Variants in BCAR3 observed in about 807,000 individuals in gnomAD.
BCAR3 encodes the protein breast cancer anti-estrogen resistance protein 3.
BCAR3 carries 37 observed loss-of-function variants against 80.1 expected under a neutral mutation model. The observed-to-expected ratio is 0.46, with a 90% CI of 0.36 to 0.61. The LOEUF is 0.61. Ranked by LOEUF, BCAR3 falls within the 20% of genes least tolerant of loss-of-function variation. The pLI is 0.00. For synonymous variants in BCAR3, 389 were observed against 418.9 expected, an observed-to-expected ratio of 0.93 and a Z score of 0.87; for missense variants, 978 against 1,068.2, an observed-to-expected ratio of 0.92 and a Z score of 1.18.
intron 11 of BCAR3, 62 bp from the exon 12 acceptor site, chr1:93,562,481 C>T (rs555924175): frequency 5.2e-6 from 8 of 1,536,718 alleles, no homozygotes; most frequent in Non-Finnish European, 7.1e-6. Context: ...TAAAAATAGA[C>T]TGAAAGCACC....
chr1:93,610,678 G>A (rs774577255), intron 3 of BCAR3, among the ~76,000 whole-genome samples: 5 of 152,186 alleles, frequency 3.3e-5, no homozygotes, highest in Non-Finnish European at 7.3e-5. Context: ...AGGCATGGTG[G>A]CTCACACCTG....
At chr1:93,611,710 C>T (rs1440130103) in intron 3 of BCAR3, among the ~76,000 whole-genome samples, 1 of 152,190 alleles carries the variant, frequency 6.6e-6, no homozygotes, top group African/African-American at 2.4e-5. Flanking sequence ...TGTAAGACCG[C>T]TGCAAATAAG....
chr1:93,837,462 C>T (rs1197054508), intron 2 of BCAR3, among the ~76,000 whole-genome samples: 1 of 152,184 alleles, frequency 6.6e-6, no homozygotes, highest in African/African-American at 2.4e-5. Context: ...TCTACCCACT[C>T]AGCTCCTGTT....
intron 2 of BCAR3, among the ~76,000 whole-genome samples, chr1:93,711,796 C>T (rs1445613500): frequency 1.3e-5 from 2 of 152,180 alleles, no homozygotes; most frequent in Non-Finnish European, 2.9e-5. Flanking sequence ...GTCTGCCTCA[C>T]TGCTAAGGAA....
chr1:93,740,687 G>A (rs1054669610), intron 2 of BCAR3, among the ~76,000 whole-genome samples: 2 of 152,014 alleles, frequency 1.3e-5, no homozygotes, highest in Admixed American at 6.6e-5. Flanking sequence ...AGGATCAGTC[G>A]CTCAGCGGAG....
rs2295330 is a variant in BCAR3 at position 93,571,772 on chromosome 1, C to T, written c.1872G>A (p.Ala624=). Residue 624 remains alanine (A), a synonymous_variant, in exon 9 of 12, where the codon GCG becomes GCA. Coordinates refer to ENST00000260502, the MANE Select transcript of BCAR3 (RefSeq NM_003567.4). ...LGCTGTLEDR[A]ATLSKIIQVA... ...CCTGGATGATCTTACTCAGAGTGGC[C>T]GCTCGGTCCTCCAAAGTGCCCGTGC... The T allele has an allele frequency of 0.029, 46,055 of 1,614,042 alleles. 1,115 individuals are homozygous for T. Among genetic ancestry groups the T allele is most frequent in the East Asian group, 0.14 (6,461 of 44,850 alleles).
rs871855 is a variant in BCAR3, at chr1:93,732,594, G to C, written c.-62-26452C>G. On this transcript the variant is annotated intron_variant, in intron 2 of 13. Transcript: ENST00000370244. ...ATCACACCACTGAACTTCAGCTTGG[G>C]TGACAGAGCAAGACCTTGTCTCAAA... 7.7e-3 allele frequency among the ~76,000 whole-genome samples: 1,170 copies of C among 152,052 alleles called. 16 individuals are homozygous for C. Among genetic ancestry groups the C allele is most frequent in the African/African-American group, 0.027 (1,126 of 41,460 alleles).
chr1:93,722,976 C>A (rs1002178226), intron 2 of BCAR3, among the ~76,000 whole-genome samples: 2 of 152,030 alleles, frequency 1.3e-5, no homozygotes, highest in African/African-American at 4.8e-5. Context: ...AAGGTCACCG[C>A]CTGAAGAACA....
intron 3 of BCAR3, among the ~76,000 whole-genome samples, chr1:93,593,728 AAACAACAAC>A (rs112457260): frequency 1.3e-3 from 203 of 151,294 alleles, no homozygotes; most frequent in African/African-American, 4.7e-3. Flanking sequence ...CTTTTCCACC[AAACAACAAC>A]AACAACAACA....
At chr1:93,630,474 A>T (rs75501026) in intron 3 of BCAR3, among the ~76,000 whole-genome samples, 4,630 of 152,008 alleles carry the variant, frequency 0.03, 82 homozygotes, top group Middle Eastern at 0.052. Context: ...AAAAAAAAAA[A>T]AATACAAAAA....
At chr1:93,703,550 G>A (rs1300662359) in intron 3 of BCAR3, among the ~76,000 whole-genome samples, 1 of 134,592 alleles carries the variant, frequency 7.4e-6, no homozygotes, top group Non-Finnish European at 1.5e-5. Context: ...CTGTGACAGA[G>A]CAAAACCCTG....
Position 93,842,355 on chromosome 1 carries a change from T to A in BCAR3, c.-63+3212A>T, listed in dbSNP as rs569983658. Among the ~76,000 whole-genome samples the A allele has an allele frequency of 3.3e-5, 5 of 152,250 alleles. 1 individual carries two copies. In the South Asian group the frequency reaches 1.0e-3, roughly 32 times the overall value. On this transcript the variant is annotated intron_variant, in intron 2 of 13. Transcript: ENST00000370244. ...GTAGTAGAGACAGGGTTTCACCATG[T>A]TGGCCAGGCTGGTCTCGACCTCCTG...
chr1:93,817,818 T>C (rs1557698279), intron 2 of BCAR3, among the ~76,000 whole-genome samples: 1 of 152,236 alleles, frequency 6.6e-6, no homozygotes, highest in Non-Finnish European at 1.5e-5. Flanking sequence ...CCAGCATCTT[T>C]GCAGTATTTT....
chr1:93,638,587 AT>A (rs911156325), intron 3 of BCAR3, among the ~76,000 whole-genome samples: 5 of 152,098 alleles, frequency 3.3e-5, no homozygotes, highest in African/African-American at 4.8e-5. Flanking sequence ...TTAAAAAAAA[AT>A]GTTTGGTTTT....
At chr1:93,731,828 G>C (rs2100684595) in intron 2 of BCAR3, among the ~76,000 whole-genome samples, 1 of 152,240 alleles carries the variant, frequency 6.6e-6, no homozygotes, top group South Asian at 2.1e-4. Flanking sequence ...TGGGGAGTAG[G>C]GAGTGGGAAT....
At chr1:93,584,901 T>A (rs1186618554) in intron 5 of BCAR3, 5 of 889,692 alleles carry the variant, frequency 5.6e-6, no homozygotes, top group South Asian at 1.0e-4. Flanking sequence ...CAAGTTGTTA[T>A]GAACTTTAAT....
At chr1:93,593,634 C>T (rs1043501971) in intron 3 of BCAR3, among the ~76,000 whole-genome samples, 30 of 152,052 alleles carry the variant, frequency 2.0e-4, no homozygotes, top group Admixed American at 2.0e-3. Flanking sequence ...CTTGGCCTCT[C>T]AAAGTGCTGG....
At chr1:93,701,473 G>A (rs143321560) in intron 3 of BCAR3, among the ~76,000 whole-genome samples, 2 of 152,342 alleles carry the variant, frequency 1.3e-5, no homozygotes, top group East Asian at 3.9e-4. Context: ...AAGCCCTAAA[G>A]ATGCCTGGCA....
In BCAR3 at chr1:93,635,437, T is replaced by C. The variant is rs980378124; in HGVS notation, c.357+6867A>G. Among the ~76,000 whole-genome samples the C allele has an allele frequency of 1.1e-4, 16 of 152,216 alleles. 1 individual carries two copies. On this transcript the variant is annotated intron_variant, in intron 3 of 11. Coordinates refer to ENST00000260502, the MANE Select transcript of BCAR3 (RefSeq NM_003567.4). ...CTCTTTATAAATGGCCACATTTTCA[T>C]AGACCTGAAGGATAAGATTCCACTG...
Sources: allele counts gnomAD v4.1 joint callset (sites outside exome capture counted in the v4.1 genomes callset), GRCh38; gene constraint gnomAD v4.1.1; transcripts MANE v1.5; gene names NCBI Gene and HGNC (gene_info 2026-07-23, HGNC 2026-07-21).